Variants in CHL1 observed in about 807,000 individuals in gnomAD.
The protein encoded by CHL1 is cell adhesion molecule L1 like, also known as neural cell adhesion molecule L1-like protein.
In CHL1, 96 loss-of-function variants were observed where a neutral mutation model predicts 141.9. The observed-to-expected ratio is 0.68, with a 90% CI of 0.57 to 0.80. The LOEUF (loss-of-function observed/expected upper bound fraction) is 0.80. Among genes scored for constraint, CHL1 ranks in the 30% least tolerant of loss-of-function variants. The pLI is 0.00. For synonymous variants in CHL1, 613 were observed against 502.2 expected, an observed-to-expected ratio of 1.22 and a Z score of -2.95; for missense variants, 1,820 against 1,457.2, an observed-to-expected ratio of 1.25 and a Z score of -4.05.
intron 1 of CHL1, among the ~76,000 whole-genome samples, chr3:219,548 T>C (rs574779636): frequency 1.3e-5 from 2 of 152,180 alleles, no homozygotes; most frequent in Admixed American, 1.3e-4. Flanking sequence ...TGGACATGGA[T>C]GGAGCTGGAG....
At chr3:386,064 G>C (rs970819472) in intron 19 of CHL1, among the ~76,000 whole-genome samples, 1 of 152,028 alleles carries the variant, frequency 6.6e-6, no homozygotes, top group Non-Finnish European at 1.5e-5. Flanking sequence ...GTTCTGTATG[G>C]ATCATCCTGC....
At position 320,595 on chromosome 3, in the gene CHL1, G is replaced by C. The variant is rs565946869; in HGVS notation, c.91+728G>C. Among the ~76,000 whole-genome samples, 53 of 152,140 alleles carry C rather than the reference G, an allele frequency of 3.5e-4. No homozygotes were observed. In the South Asian group the frequency reaches 8.1e-3, roughly 23 times the overall value. On this transcript the variant is annotated intron_variant, in intron 3 of 27. Coordinates refer to ENST00000256509, the MANE Select transcript of CHL1 (RefSeq NM_006614.4). ...CCACCTATTTAGGAGTCTGAGGCAGGAGGATTGCCTGAGCCCAGGAGTTCA... is the reference window on the plus strand; with the variant it reads ...CCACCTATTTAGGAGTCTGAGGCAGCAGGATTGCCTGAGCCCAGGAGTTCA...
chr3:324,252 C>A (rs1053473533), intron 3 of CHL1, among the ~76,000 whole-genome samples: 1 of 152,086 alleles, frequency 6.6e-6, no homozygotes, highest in Non-Finnish European at 1.5e-5. Flanking sequence ...ATTTGCAACT[C>A]TACTGTGGAA....
rs1364409113 is a variant in CHL1, at chr3:197,996, G to C, written c.-175+933G>C. The C allele has an allele frequency of 5.3e-5, 19 of 356,200 alleles. 1 individual carries two copies. The highest frequency in any genetic ancestry group is 1.8e-4 in the Admixed American group (5 of 28,034). 22.1% of individuals were successfully genotyped at this position (356,200 alleles called of 1,614,324 possible). A position where few individuals can be genotyped will look rare whatever the true frequency, so the allele number is the denominator to read the frequency against. The stretch of plus-strand genomic sequence containing the variant: ...GCCAGCCCCTCCGTTCCCACTCTCC[G>C]GGCTCGCTGCGAGCCACAGTGTCTC... On this transcript the variant is annotated intron_variant, in intron 1 of 27. Coordinates refer to ENST00000256509, the MANE Select transcript of CHL1 (RefSeq NM_006614.4).
chr3:359,127 T>A (rs974469597), intron 11 of CHL1, among the ~76,000 whole-genome samples: 1 of 151,550 alleles, frequency 6.6e-6, no homozygotes, highest in African/African-American at 2.4e-5. Context: ...CCAAATGTTG[T>A]GGGATGTGTC....
intron 2 of CHL1, among the ~76,000 whole-genome samples, chr3:298,849 A>G (rs1386023386): frequency 6.6e-6 from 1 of 152,186 alleles, no homozygotes; most frequent in Non-Finnish European, 1.5e-5. Context: ...ACCATATAAG[A>G]TGATGAACAC....
At chr3:261,350 G>C (rs1330574216) in intron 2 of CHL1, among the ~76,000 whole-genome samples, 1 of 151,880 alleles carries the variant, frequency 6.6e-6, no homozygotes, top group African/African-American at 2.4e-5. Context: ...GGAAAGAGGA[G>C]AAGAGAAAAA....
intron 2 of CHL1, among the ~76,000 whole-genome samples, chr3:274,539 A>G (rs951926168): frequency 6.6e-6 from 1 of 152,190 alleles, no homozygotes; most frequent in Non-Finnish European, 1.5e-5. Flanking sequence ...CAATATTCTA[A>G]TCTCAGATGC....
At chr3:396,159 A>G (rs769042497) in intron 24 of CHL1, among the ~76,000 whole-genome samples, 11 of 152,184 alleles carry the variant, frequency 7.2e-5, no homozygotes, top group Non-Finnish European at 1.3e-4. Flanking sequence ...TTGAACACCA[A>G]GTGAAATGAA....
At position 391,051 on chromosome 3, in the gene CHL1, G is replaced by C. The variant is rs374413499; in HGVS notation, c.2683G>C (p.Val895Leu). The change falls in exon 22 of 28, where the codon GTT (valine) becomes CTT (leucine). Residue 895 changes from valine (V) to leucine (L), a missense_variant. Coordinates refer to ENST00000256509, the MANE Select transcript of CHL1 (RefSeq NM_006614.4). ...RFSGQRNSGM[V>L]PSLDAFSEFH... ...TTCAGGACAAAGAAACTCTGGAATGGTTCCTTCCTTAGATGCCTTTAGTGA... is the reference window on the plus strand; with the variant it reads ...TTCAGGACAAAGAAACTCTGGAATGCTTCCTTCCTTAGATGCCTTTAGTGA... The C allele has an allele frequency of 6.2e-7, 1 of 1,613,792 alleles. No homozygotes were observed. Among genetic ancestry groups the C allele is most frequent in the African/African-American group, 1.3e-5 (1 of 75,038 alleles).
chr3:210,981 G>A, intron 1 of CHL1, among the ~76,000 whole-genome samples: 1 of 152,190 alleles, frequency 6.6e-6, no homozygotes, highest in East Asian at 1.9e-4. Flanking sequence ...CTTTAGCAGG[G>A]TGGGCTTTTC....
intron 8 of CHL1, among the ~76,000 whole-genome samples, chr3:343,331 T>C (rs1702489663): frequency 6.6e-6 from 1 of 152,186 alleles, no homozygotes; most frequent in South Asian, 2.1e-4. Flanking sequence ...TCTTATGGTA[T>C]ATAAGGTTGA....
Position 383,758 on chromosome 3 carries a change from A to G in CHL1, c.2177-58A>G, listed in dbSNP as rs573950417. ...GTTTTTGGGGGGCAGGAGTTGTGAT[A>G]TGATGACTTACCTATGGGTTAAAAG... On this transcript the variant is annotated intron_variant, in intron 18 of 27. Coordinates refer to ENST00000256509, the MANE Select transcript of CHL1 (RefSeq NM_006614.4). The G allele has an allele frequency of 1.1e-5, 14 of 1,229,312 alleles. No individual in the cohort carries two copies. The African/African-American group carries it at 1.6e-4, about 14-fold the overall frequency. The allele number at this position is 1,229,312 out of a possible 1,614,324, so 76.2% of individuals were successfully genotyped here.
intron 3 of CHL1, among the ~76,000 whole-genome samples, chr3:321,027 A>T (rs1158988224): frequency 1.3e-5 from 2 of 152,068 alleles, no homozygotes; most frequent in Non-Finnish European, 2.9e-5. Context: ...AAGTGTTGGG[A>T]CTTAACTAAA....
intron 2 of CHL1, among the ~76,000 whole-genome samples, chr3:307,394 C>T (rs1046629194): frequency 3.9e-5 from 6 of 152,278 alleles, no homozygotes; most frequent in Non-Finnish European, 7.4e-5. Context: ...AGCTGTTAAA[C>T]CTTTGAGGCA....
intron 1 of CHL1, among the ~76,000 whole-genome samples, chr3:240,034 G>T (rs1017181948): frequency 3.3e-5 from 5 of 152,240 alleles, no homozygotes; most frequent in African/African-American, 1.2e-4. Context: ...TTGCGATTGC[G>T]AATTGTGCTG....
chr3:394,112 A>C (rs533406166), intron 23 of CHL1, among the ~76,000 whole-genome samples: 1 of 152,308 alleles, frequency 6.6e-6, no homozygotes, highest in East Asian at 1.9e-4. Flanking sequence ...TATCTGATTC[A>C]GCTTTTTACA....
chr3:207,745 C>A (rs920886799), intron 1 of CHL1, among the ~76,000 whole-genome samples: 57 of 152,192 alleles, frequency 3.7e-4, no homozygotes, highest in African/African-American at 1.2e-3. Context: ...ACCTTGACCC[C>A]ATTTTCTTCG....
chr3:259,375 A>G (rs1481052501), intron 2 of CHL1, among the ~76,000 whole-genome samples: 1 of 152,002 alleles, frequency 6.6e-6, no homozygotes, highest in African/African-American at 2.4e-5. Flanking sequence ...GGAATTGCAG[A>G]GAAATACGAA....
Sources: gnomAD v4.1 joint callset for allele counts (sites outside exome capture counted in the v4.1 genomes callset) on GRCh38, gnomAD v4.1.1 for gene constraint, MANE v1.5 for transcripts, NCBI Gene and HGNC (gene_info 2026-07-23, HGNC 2026-07-21) for gene names.